PIBF1: variants seen among roughly 807,000 people sequenced by gnomAD.
PIBF1 encodes progesterone-induced-blocking factor 1.
Under a neutral mutation model 112.5 loss-of-function variants are expected in PIBF1, and 90 were observed. The observed-to-expected ratio is 0.80, with a 90% CI of 0.67 to 0.95. PIBF1 has a LOEUF of 0.95. PIBF1 is among the 40% of genes least tolerant of loss of function. The probability of loss-of-function intolerance (pLI) is 0.00; values close to 1 mark genes in which losing one functional copy is unlikely to be tolerated. For synonymous variants in PIBF1, 301 were observed against 288.6 expected, an observed-to-expected ratio of 1.04 and a Z score of -0.44; for missense variants, 915 against 852.3, an observed-to-expected ratio of 1.07 and a Z score of -0.92.
At chr13:73,013,294 C>A (rs2044268755) in intron 17 of PIBF1, among the ~76,000 whole-genome samples, 1 of 103,256 alleles carries the variant, frequency 9.7e-6, no homozygotes, top group Non-Finnish European at 1.7e-5. Context: ...GAGCGAGACT[C>A]TGTCTCAAAA....
At chr13:72,873,685 A>C (rs982883757) in intron 10 of PIBF1, among the ~76,000 whole-genome samples, 1 of 151,998 alleles carries the variant, frequency 6.6e-6, no homozygotes, top group Admixed American at 6.6e-5. Flanking sequence ...GAGCCACCAC[A>C]CCTGGCCTAA....
At chr13:72,798,591 G>A (rs2035310249) in intron 5 of PIBF1, among the ~76,000 whole-genome samples, 1 of 152,118 alleles carries the variant, frequency 6.6e-6, no homozygotes, top group Admixed American at 6.5e-5. Context: ...TCTCAGCCTA[G>A]ACGATGAATA....
chr13:72,836,988 A>G (rs368288163), intron 9 of PIBF1, among the ~76,000 whole-genome samples: 4 of 151,898 alleles, frequency 2.6e-5, no homozygotes, highest in Non-Finnish European at 4.4e-5. Flanking sequence ...TCTTCTGCCT[A>G]TTTTTTCTTG....
At chr13:72,889,251 C>T (rs1206453766) in intron 10 of PIBF1, among the ~76,000 whole-genome samples, 1 of 152,142 alleles carries the variant, frequency 6.6e-6, no homozygotes, top group African/African-American at 2.4e-5. Context: ...CAGCTTCTGT[C>T]CTTGTCGACT....
chr13:72,844,791 A>ACACACACACACACACACACACG (rs1566348767), intron 9 of PIBF1, among the ~76,000 whole-genome samples: 1 of 131,128 alleles, frequency 7.6e-6, no homozygotes, highest in African/African-American at 2.9e-5. Context: ...ACACACACAC[A>ACACACACACACACACACACACG]CACACACACG....
chr13:72,854,685 A>G (rs1259060136), intron 10 of PIBF1, among the ~76,000 whole-genome samples: 3 of 152,144 alleles, frequency 2.0e-5, no homozygotes, highest in Non-Finnish European at 4.4e-5. Context: ...ATTTTTTGAA[A>G]GTGTGTGTTT....
Position 72,971,657 on chromosome 13 carries a change from C to G in PIBF1, c.1965-1934C>G, listed in dbSNP as rs148559700. Among the ~76,000 whole-genome samples, 14 of 152,254 alleles carry G rather than the reference C, an allele frequency of 9.2e-5. No individual in the cohort carries two copies. The East Asian group carries it at 2.7e-3, about 29-fold the overall frequency. On this transcript the variant is annotated intron_variant, in intron 15 of 17. Transcript: ENST00000326291. ...TTTATATAGTTTTATGAGTTCAACACTTTATATAATCATTCACATAGTCCT... is the reference window on the plus strand; with the variant it reads ...TTTATATAGTTTTATGAGTTCAACAGTTTATATAATCATTCACATAGTCCT...
intron 14 of PIBF1, among the ~76,000 whole-genome samples, chr13:72,942,843 A>G (rs1373590423): frequency 1.3e-5 from 2 of 152,080 alleles, no homozygotes; most frequent in African/African-American, 4.8e-5. Context: ...TCTACTAAAA[A>G]TACAAAAATC....
At chr13:72,858,321 G>A (rs1241201804) in intron 10 of PIBF1, among the ~76,000 whole-genome samples, 1 of 152,116 alleles carries the variant, frequency 6.6e-6, no homozygotes, top group Non-Finnish European at 1.5e-5. Flanking sequence ...CAAAGTGCTG[G>A]GATTACAGGC....
rs796348728 is a variant in PIBF1 at position 73,014,196 on chromosome 13, ACTC to A, written c.2224-1670_2224-1668del. Among the ~76,000 whole-genome samples the A allele has an allele frequency of 6.0e-5, 9 of 150,314 alleles. No individual in the cohort carries two copies. In the South Asian group the frequency reaches 1.9e-3, roughly 32 times the overall value. On this transcript the variant is annotated intron_variant, in intron 17 of 17. Transcript: ENST00000326291. ...GCCATGTTGCACAGACTGGTCTTGA[ACTC>A]CTGAACTCAAGTGATCTGCCTGCCT...
intron 17 of PIBF1, among the ~76,000 whole-genome samples, chr13:73,012,281 G>A (rs1000492646): frequency 3.3e-5 from 5 of 152,244 alleles, no homozygotes; most frequent in East Asian, 3.9e-4. Context: ...GAACCTGGGA[G>A]GCCAAGGTTG....
At chr13:72,983,165 T>C (rs1208969265) in intron 16 of PIBF1, among the ~76,000 whole-genome samples, 1 of 151,908 alleles carries the variant, frequency 6.6e-6, no homozygotes, top group Non-Finnish European at 1.5e-5. Flanking sequence ...CCTAGCATGG[T>C]GGCACAAACC....
intron 8 of PIBF1, among the ~76,000 whole-genome samples, chr13:72,828,657 C>A (rs2036947436): frequency 6.6e-6 from 1 of 152,088 alleles, no homozygotes; most frequent in Non-Finnish European, 1.5e-5. Context: ...ACATATGTGC[C>A]ACATTTTCTC....
chr13:72,999,073 T>C (rs1304768360), intron 17 of PIBF1, 78 bp downstream of exon 17: 2 of 957,680 alleles, frequency 2.1e-6, no homozygotes, highest in South Asian at 1.8e-5. Flanking sequence ...TTTTTCCTTT[T>C]ACATTTATGA....
At chr13:72,815,246 A>C (rs190907753) in intron 5 of PIBF1, among the ~76,000 whole-genome samples, 1 of 152,014 alleles carries the variant, frequency 6.6e-6, no homozygotes, top group Non-Finnish European at 1.5e-5. Flanking sequence ...ATGATTAAAC[A>C]GAGTATATTC....
At chr13:72,946,773 T>A (rs777018379) in intron 14 of PIBF1, among the ~76,000 whole-genome samples, 1 of 152,194 alleles carries the variant, frequency 6.6e-6, no homozygotes, top group Non-Finnish European at 1.5e-5. Flanking sequence ...CTCCTTTGAC[T>A]CCACGTCTCA....
intron 3 of PIBF1, among the ~76,000 whole-genome samples, chr13:72,794,534 A>G (rs531613639): frequency 4.6e-5 from 7 of 152,178 alleles, no homozygotes; most frequent in Admixed American, 3.3e-4. Flanking sequence ...CCTACATGTC[A>G]TGGGAGGGAC....
chr13:72,874,247 A>G (rs2039297669), intron 10 of PIBF1, among the ~76,000 whole-genome samples: 3 of 152,166 alleles, frequency 2.0e-5, no homozygotes, highest in Admixed American at 2.0e-4. Flanking sequence ...TCCTATTTCT[A>G]GTTATTTACT....
intron 10 of PIBF1, among the ~76,000 whole-genome samples, chr13:72,889,274 A>G (rs1325609722): frequency 3.3e-5 from 5 of 152,190 alleles, no homozygotes; most frequent in Admixed American, 1.3e-4. Flanking sequence ...AATTTCTTAT[A>G]GCTGAATCTA....
Sources: gnomAD v4.1 joint callset for allele counts (sites outside exome capture counted in the v4.1 genomes callset) on GRCh38, gnomAD v4.1.1 for gene constraint, MANE v1.5 for transcripts, NCBI Gene and HGNC (gene_info 2026-07-23, HGNC 2026-07-21) for gene names.